SMARCB1: variants seen among roughly 807,000 people sequenced by gnomAD.
SMARCB1 encodes SWI/SNF-related matrix-associated actin-dependent regulator of chromatin subfamily B member 1.
In SMARCB1, 5 loss-of-function variants were observed where a neutral mutation model predicts 49.0. The ratio of observed to expected loss-of-function variants is 0.10; its 90% confidence interval spans 0.05 to 0.21. SMARCB1 has a LOEUF of 0.21. SMARCB1 is among the 10% of genes least tolerant of loss of function. SMARCB1 has a pLI of 1.00. For synonymous variants in SMARCB1, 201 were observed against 200.1 expected (o/e 1.00, Z -0.04); for missense variants, 226 against 509.2 (o/e 0.44, Z 5.35).
rs184534513 is a variant in SMARCB1, at chr22:23,793,046, C to T, written c.233-513C>T. The T allele has an allele frequency of 1.7e-3, 360 of 212,992 alleles. 2 individuals carry two copies. The highest frequency in any genetic ancestry group is 2.4e-3 in the Non-Finnish European group (245 of 103,646). 13.2% of individuals were successfully genotyped at this position (212,992 alleles called of 1,614,324 possible). ...GTGGACCGGCTCGGGGATAGAAATT[C>T]GTGTTTGGTGTGAAGCAGCTCTTTC... On this transcript the variant is annotated intron_variant, in intron 2 of 8. Coordinates refer to ENST00000644036, the MANE Select transcript of SMARCB1 (RefSeq NM_003073.5).
In SMARCB1 at chr22:23,836,806, A is replaced by C; in HGVS notation, c.*2626A>C. 36 of 1,422,024 alleles carry C rather than the reference A, an allele frequency of 2.5e-5. No individual in the cohort carries two copies. In the South Asian group the frequency reaches 6.0e-4, roughly 24 times the overall value. The allele number at this position is 1,422,024 out of a possible 1,614,324, so 88.1% of individuals were successfully genotyped here. On this transcript the variant is annotated 3_prime_UTR_variant, in exon 9 of 9. Coordinates refer to ENST00000644036, the MANE Select transcript of SMARCB1 (RefSeq NM_003073.5). Reference sequence around the variant, plus strand: ...TTTAGGATGGGTTTTTTCTGCCCCAAGTAGGGGTCATGGGTAGGATGGAAG... The same window carrying C: ...TTTAGGATGGGTTTTTTCTGCCCCACGTAGGGGTCATGGGTAGGATGGAAG...
At chr22:23,809,904 C>T (rs1730389096) in intron 5 of SMARCB1, among the ~76,000 whole-genome samples, 1 of 152,016 alleles carries the variant, frequency 6.6e-6, no homozygotes, top group Admixed American at 6.5e-5. Flanking sequence ...GGCGGGGTGG[C>T]TCATGCCTGT....
chr22:23,794,594 G>T (rs1279801998), intron 3 of SMARCB1, among the ~76,000 whole-genome samples: 1 of 152,026 alleles, frequency 6.6e-6, no homozygotes, highest in Admixed American at 6.6e-5. Flanking sequence ...CAATAGATTT[G>T]AATGTATAAA....
At chr22:23,789,696 C>T (rs376679699) in intron 1 of SMARCB1, among the ~76,000 whole-genome samples, 32 of 152,330 alleles carry the variant, frequency 2.1e-4, no homozygotes, top group African/African-American at 7.0e-4. Context: ...GTAAGAGACT[C>T]AGTTGGAGAG....
At position 23,809,113 on chromosome 22, in the gene SMARCB1, G is replaced by A. The variant is rs566055790; in HGVS notation, c.628+5691G>A. Among the ~76,000 whole-genome samples, 28 of 151,710 alleles carry A rather than the reference G, an allele frequency of 1.8e-4. 1 individual carries two copies. The South Asian group carries it at 3.7e-3, about 20-fold the overall frequency. On this transcript the variant is annotated intron_variant, in intron 5 of 8. Transcript: ENST00000644036. ...CTCCCAAAGTGCTGGGATTACAGAC[G>A]TGAGCCACCGCGCCCAGCCAAATGA... is the stretch of plus-strand genomic sequence containing the variant.
rs58056758 is a variant in SMARCB1, at chr22:23,822,957, C to CTTTTTTTTTTT, written c.796-2237_796-2227dup. 8.2e-5 allele frequency among the ~76,000 whole-genome samples: 6 copies of CTTTTTTTTTTT among 72,764 alleles called. 1 individual carries two copies. Among genetic ancestry groups the CTTTTTTTTTTT allele is most frequent in the Admixed American group, 2.0e-4 (1 of 4,982 alleles). The allele number at this position is 72,764 out of a possible 152,430, so 47.7% of individuals were successfully genotyped here. On this transcript the variant is annotated intron_variant, in intron 6 of 8. Transcript: ENST00000644036. ...TCTGTCAGTGCCCCCACCAGCATAG[C>CTTTTTTTTTTT]TTTTTTTTTTTTTTTTTTTTTTTTT... is the stretch of plus-strand genomic sequence containing the variant.
chr22:23,826,358 G>C (rs1209459304), intron 7 of SMARCB1: 1 of 151,250 alleles, frequency 6.6e-6, no homozygotes, highest in African/African-American at 2.4e-5. Context: ...TCAAGAGGTG[G>C]AGGCTGCAGT....
rs1928012225 is a variant in SMARCB1 at position 23,786,970 on chromosome 22, G to A, written c.-200G>A. On this transcript the variant is annotated 5_prime_UTR_variant, in exon 1 of 9. Coordinates refer to ENST00000644036, the MANE Select transcript of SMARCB1 (RefSeq NM_003073.5). ...GGCGCGCGCGTCAGCGTCAACGCCAGCGCCTGCGCACTGAGGGCGGCCTGG... is the reference window on the plus strand; with the variant it reads ...GGCGCGCGCGTCAGCGTCAACGCCAACGCCTGCGCACTGAGGGCGGCCTGG... 8.4e-6 allele frequency: 4 copies of A among 477,212 alleles called. No individual in the cohort carries two copies. The highest frequency in any genetic ancestry group is 7.2e-5 in the East Asian group (2 of 27,668). 29.6% of individuals were successfully genotyped at this position (477,212 alleles called of 1,614,324 possible).
intron 6 of SMARCB1, among the ~76,000 whole-genome samples, chr22:23,822,139 C>T (rs1215066475): frequency 6.6e-6 from 1 of 152,256 alleles, no homozygotes; most frequent in Non-Finnish European, 1.5e-5. Context: ...AGAGCAGCAT[C>T]TTCCAGATAT....
chr22:23,830,094 T>C (rs923118439), intron 7 of SMARCB1, among the ~76,000 whole-genome samples: 4 of 152,254 alleles, frequency 2.6e-5, no homozygotes, highest in Non-Finnish European at 5.9e-5. Flanking sequence ...TTTCAGCTAT[T>C]GTGAGTACTG....
chr22:23,825,288 G>A lies in SMARCB1; in HGVS notation c.859G>A (p.Glu287Lys), dbSNP rs2030321832. Residue 287 changes from glutamate to lysine, a missense_variant, in exon 7 of 9, where the codon GAG becomes AAG. Transcript: ENST00000644036. Reference protein sequence around the residue: ...DQFEWDMSEKENSPEKFALKL... With the variant: ...DQFEWDMSEKKNSPEKFALKL... ...GTTTGAGTGGGACATGTCAGAGAAG[G>A]AGAACTCACCAGAGAAGTTTGCCCT... 1 of 1,614,060 alleles carries A rather than the reference G, an allele frequency of 6.2e-7. No individual in the cohort carries two copies. Among genetic ancestry groups the A allele is most frequent in the South Asian group, 1.1e-5 (1 of 91,086 alleles).
At chr22:23,823,566 C>T (rs1348337267) in intron 6 of SMARCB1, 1 of 152,470 alleles carries the variant, frequency 6.6e-6, no homozygotes, top group African/African-American at 2.4e-5. Flanking sequence ...AGAACAAATA[C>T]ACCCTGCCTG....
chr22:23,797,663 G>C lies in SMARCB1; in HGVS notation c.363-3281G>C, dbSNP rs1928863111. Among the ~76,000 whole-genome samples, 5 of 117,186 alleles carry C rather than the reference G, an allele frequency of 4.3e-5. No individual in the cohort carries two copies. In the South Asian group the frequency reaches 1.5e-3, roughly 35 times the overall value. The allele number at this position is 117,186 out of a possible 152,430, so 76.9% of individuals were successfully genotyped here. A position where few individuals can be genotyped will look rare whatever the true frequency, so the allele number is the denominator to read the frequency against. ...GATCGAGTTTCGCTCTGTCACCCAG[G>C]CTGGAGTGAAGTGGCGGGATCTCAG... On this transcript the variant is annotated intron_variant, in intron 3 of 8. Coordinates refer to ENST00000644036, the MANE Select transcript of SMARCB1 (RefSeq NM_003073.5).
In SMARCB1 at chr22:23,835,342, C is replaced by G; in HGVS notation, c.*1162C>G. On this transcript the variant is annotated 3_prime_UTR_variant, in exon 9 of 9. Transcript: ENST00000644036. ...AATGGGCACAGATCCGGGCACAGATCCCAGCACAGACTGCTGCCACCCTCA... is the reference window on the plus strand; with the variant it reads ...AATGGGCACAGATCCGGGCACAGATGCCAGCACAGACTGCTGCCACCCTCA... The G allele has an allele frequency of 1.0e-6, 1 of 999,226 alleles. No individual in the cohort carries two copies. The highest frequency in any genetic ancestry group is 1.2e-6 in the Non-Finnish European group (1 of 839,546). The allele number at this position is 999,226 out of a possible 1,614,324, so 61.9% of individuals were successfully genotyped here. A position where few individuals can be genotyped will look rare whatever the true frequency, so the allele number is the denominator to read the frequency against.
intron 3 of SMARCB1, among the ~76,000 whole-genome samples, chr22:23,795,570 C>G (rs1349375366): frequency 6.6e-6 from 1 of 151,886 alleles, no homozygotes. Flanking sequence ...GCAGGAGAAT[C>G]ACTTGGACCC....
intron 1 of SMARCB1, among the ~76,000 whole-genome samples, chr22:23,791,306 C>T (rs2073389): frequency 0.59 from 89,958 of 152,066 alleles, 29,581 homozygotes; most frequent in Non-Finnish European, 0.72. Flanking sequence ...CTAAACAAAG[C>T]AACACAGGCC....
chr22:23,797,446 C>T lies in SMARCB1; in HGVS notation c.363-3498C>T, dbSNP rs1928838093. ...GCCTCAGCCTCCCGAGTAGCTGGAACTACAGGTGTCTGTCACCACGCCCGT... is the reference window on the plus strand; with the variant it reads ...GCCTCAGCCTCCCGAGTAGCTGGAATTACAGGTGTCTGTCACCACGCCCGT... On this transcript the variant is annotated intron_variant, in intron 3 of 8. Coordinates refer to ENST00000644036, the MANE Select transcript of SMARCB1 (RefSeq NM_003073.5). Among the ~76,000 whole-genome samples, 3 of 150,516 alleles carry T rather than the reference C, an allele frequency of 2.0e-5. No individual in the cohort carries two copies. The South Asian group carries it at 6.5e-4, about 33-fold the overall frequency.
chr22:23,797,318 A>AT (rs1568939498), intron 3 of SMARCB1, among the ~76,000 whole-genome samples: 2 of 94,578 alleles, frequency 2.1e-5, no homozygotes, highest in African/African-American at 5.1e-5. Context: ...TATTATTATT[A>AT]TTTTTTTTGA....
chr22:23,801,105 C>G lies in SMARCB1; in HGVS notation c.500+24C>G, dbSNP rs199737164. 1,476 of 1,614,182 alleles carry G rather than the reference C, an allele frequency of 9.1e-4. 1 individual carries two copies. Among genetic ancestry groups the G allele is most frequent in the Non-Finnish European group, 1.1e-3 (1,318 of 1,180,014 alleles). On this transcript the variant is annotated intron_variant, in intron 4 of 8. Transcript: ENST00000644036. The stretch of plus-strand genomic sequence containing the variant: ...TGGTGTGGATGCATCGCTGCACTCA[C>G]CCTCCGTGCTGATTCCGCCTTAGTT...
Sources: gnomAD v4.1 joint callset for allele counts (sites outside exome capture counted in the v4.1 genomes callset) on GRCh38, gnomAD v4.1.1 for gene constraint, MANE v1.5 for transcripts, NCBI Gene and HGNC (gene_info 2026-07-23, HGNC 2026-07-21) for gene names.